SLC25A23: variants seen among roughly 807,000 people sequenced by gnomAD.
SLC25A23 encodes the protein mitochondrial adenyl nucleotide antiporter SLC25A23.
Under a neutral mutation model 53.9 loss-of-function variants are expected in SLC25A23, and 32 were observed. That is an observed-to-expected ratio of 0.59 (90% CI 0.45 to 0.80). The LOEUF (loss-of-function observed/expected upper bound fraction) is 0.80, where lower values mean the gene tolerates loss of function less well. Among genes scored for constraint, SLC25A23 ranks in the 30% least tolerant of loss-of-function variants. The probability of loss-of-function intolerance (pLI) is 0.00; values close to 1 mark genes in which losing one functional copy is unlikely to be tolerated. For missense variants in SLC25A23, 575 were observed against 651.4 expected (o/e 0.88, Z 1.28); for synonymous variants, 275 against 264.5 (o/e 1.04, Z -0.38).
downstream of SLC25A23, among the ~76,000 whole-genome samples, chr19:6,439,397 T>TCA (rs1030315290): frequency 8.9e-3 from 923 of 104,188 alleles, 12 homozygotes; most frequent in Admixed American, 0.044. Context: ...TCTCTCTCTC[T>TCA]CTCACACACA....
chr19:6,458,094 C>G, intron 2 of SLC25A23, 104 bp downstream of exon 2: 1 of 1,410,116 alleles, frequency 7.1e-7, no homozygotes, highest in South Asian at 1.4e-5. Flanking sequence ...GAGAAGCGGC[C>G]CTCCCCCTCT....
rs1175828391 is a variant in SLC25A23 at position 6,444,275 on chromosome 19, C to T, written c.1098G>A (p.Gln366=). 3 of 1,596,854 alleles carry T rather than the reference C, an allele frequency of 1.9e-6. No homozygotes were observed. Among genetic ancestry groups the T allele is most frequent in the Admixed American group, 1.7e-5 (1 of 58,708 alleles). The change falls in exon 9 of 10, where the codon CAG becomes CAA. Residue 366 remains glutamine, a synonymous_variant. Coordinates refer to ENST00000301454, the MANE Select transcript of SLC25A23 (RefSeq NM_024103.3). ...CTGGGTCTGCCGAGTCGTGGCTGTA[C>T]TGCTGAAGCCACCAGTTCTTCAGAG... ...YETLKNWWLQ[Q]YSHDSADPGI...
At chr19:6,436,600 A>C (rs2092322217), downstream of SLC25A23, 1 of 386,232 alleles carries the variant, frequency 2.6e-6, no homozygotes, top group African/African-American at 2.2e-5. Context: ...CCCAGGCTGG[A>C]GTGCAGTGGC....
In SLC25A23 at chr19:6,454,752, G is replaced by A. The variant is rs2092652665; in HGVS notation, c.484-35C>T. 5 of 1,609,638 alleles carry A rather than the reference G, an allele frequency of 3.1e-6. No homozygotes were observed. The highest frequency in any genetic ancestry group is 1.1e-5 in the South Asian group (1 of 90,398). On this transcript the variant is annotated intron_variant, in intron 4 of 9. Coordinates refer to ENST00000301454, the MANE Select transcript of SLC25A23 (RefSeq NM_024103.3). This position sits in a 1 kb window ranked among gnomAD's most constrained non-coding sequence, Gnocchi z 4.3. Reference sequence around the variant, plus strand: ...CAGGTGTTGGGGGTGTCATGCCATGGTGGGGACAGGGAGATGTGACTCAGT... The same window carrying A: ...CAGGTGTTGGGGGTGTCATGCCATGATGGGGACAGGGAGATGTGACTCAGT...
intron 8 of SLC25A23, 59 bp downstream of exon 8, chr19:6,452,253 G>A: frequency 4.5e-6 from 7 of 1,555,706 alleles, no homozygotes; most frequent in East Asian, 2.4e-5. Flanking sequence ...AGGGGAAGGG[G>A]TGTCCTGTGG....
At chr19:6,447,054 A>C in intron 8 of SLC25A23, among the ~76,000 whole-genome samples, 1 of 152,102 alleles carries the variant, frequency 6.6e-6, no homozygotes, top group East Asian at 1.9e-4. Context: ...TCCCCTAACA[A>C]GTTTGAGAGG....
At position 6,454,767 on chromosome 19, in the gene SLC25A23, TG is replaced by T; in HGVS notation, c.484-51del. The T allele has an allele frequency of 6.2e-7, 1 of 1,600,344 alleles. No homozygotes were observed. Among genetic ancestry groups the T allele is most frequent in the Non-Finnish European group, 8.5e-7 (1 of 1,172,162 alleles). On this transcript the variant is annotated intron_variant, in intron 4 of 9. Transcript: ENST00000301454. The surrounding 1 kb of genome is among the most constrained non-coding windows in gnomAD (Gnocchi z 4.3). ...TCATGCCATGGTGGGGACAGGGAGA[TG>T]TGACTCAGTCCTAAATAGGGGAGTC... is the stretch of plus-strand genomic sequence containing the variant.
intron 8 of SLC25A23, 128 bp from the exon 9 acceptor site, chr19:6,444,429 G>GA (rs1217578410): frequency 6.0e-6 from 6 of 999,408 alleles, no homozygotes; most frequent in Non-Finnish European, 8.5e-6. Flanking sequence ...CCTCCTAGGG[G>GA]CCGGGCCAGC....
At chr19:6,442,382 G>C (rs2092435732) in intron 9 of SLC25A23, among the ~76,000 whole-genome samples, 2 of 152,210 alleles carry the variant, frequency 1.3e-5, no homozygotes, top group Non-Finnish European at 1.5e-5. Context: ...AGCAGGTATG[G>C]GTGTGCAAGG....
intron 7 of SLC25A23, among the ~76,000 whole-genome samples, chr19:6,453,212 T>C (rs116647409): frequency 0.015 from 2,258 of 151,588 alleles, 52 homozygotes; most frequent in African/African-American, 0.052. Flanking sequence ...GAAATGCTCA[T>C]CTGTAGACTT....
intron 3 of SLC25A23, among the ~76,000 whole-genome samples, chr19:6,457,292 C>A (rs2092695462): frequency 6.6e-6 from 1 of 151,892 alleles, no homozygotes; most frequent in Non-Finnish European, 1.5e-5. Flanking sequence ...GTCCCCAACT[C>A]CTGACCTCAG....
chr19:6,458,347 A>T, intron 1 of SLC25A23, 23 bp from the exon 2 acceptor site: 1 of 1,608,082 alleles, frequency 6.2e-7, no homozygotes, highest in South Asian at 1.1e-5. Flanking sequence ...AAGGGGATAG[A>T]GGTGGCTCCA....
chr19:6,436,779 C>T (rs2092327113), downstream of SLC25A23, among the ~76,000 whole-genome samples: 1 of 151,844 alleles, frequency 6.6e-6, no homozygotes, highest in African/African-American at 2.4e-5. Flanking sequence ...AACTCCTGAC[C>T]TCAGGTGATT....
intron 8 of SLC25A23, among the ~76,000 whole-genome samples, chr19:6,445,861 C>T (rs544960956): frequency 4.6e-5 from 7 of 151,780 alleles, no homozygotes; most frequent in East Asian, 1.9e-4. Flanking sequence ...AGACCAGCCT[C>T]GGAAACATAG....
intron 8 of SLC25A23, among the ~76,000 whole-genome samples, chr19:6,449,377 T>C (rs548356489): frequency 6.7e-6 from 1 of 150,368 alleles, no homozygotes; most frequent in Non-Finnish European, 1.5e-5. Flanking sequence ...CTCAGCCTCC[T>C]GAGTAGCTGG....
In SLC25A23 at chr19:6,459,675, T is replaced by C; in HGVS notation, c.-47A>G. On this transcript the variant is annotated 5_prime_UTR_variant, in exon 1 of 10. Coordinates refer to ENST00000301454, the MANE Select transcript of SLC25A23 (RefSeq NM_024103.3). The surrounding 1 kb of genome is among the most constrained non-coding windows in gnomAD (Gnocchi z 4.6). Reference sequence around the variant, plus strand: ...GGAGGCCCGGCAGCGGCGGCCTCAGTGGGGGCTTCGCGGCTCCCCCTCCCC... The same window carrying C: ...GGAGGCCCGGCAGCGGCGGCCTCAGCGGGGGCTTCGCGGCTCCCCCTCCCC... The C allele has an allele frequency of 7.8e-7, 1 of 1,279,580 alleles. No homozygotes were observed. Among genetic ancestry groups the C allele is most frequent in the Non-Finnish European group, 9.8e-7 (1 of 1,018,928 alleles). 79.3% of individuals were successfully genotyped at this position (1,279,580 alleles called of 1,614,324 possible). A position where few individuals can be genotyped will look rare whatever the true frequency, so the allele number is the denominator to read the frequency against.
Position 6,442,170 on chromosome 19 carries a change from G to T in SLC25A23, c.1223-11C>A. ...CACCCTCGATGGAGGCTGGGAGGGG[G>T]CGGGGGGGGCACCAGGTAAGGCCAA... On this transcript the variant is annotated splice_polypyrimidine_tract_variant and intron_variant, in intron 9 of 9. Coordinates refer to ENST00000301454, the MANE Select transcript of SLC25A23 (RefSeq NM_024103.3). 1 of 1,454,942 alleles carries T rather than the reference G, an allele frequency of 6.9e-7. No individual in the cohort carries two copies. Among genetic ancestry groups the T allele is most frequent in the Non-Finnish European group, 9.3e-7 (1 of 1,081,050 alleles). The allele number at this position is 1,454,942 out of a possible 1,614,324, so 90.1% of individuals were successfully genotyped here. A position where few individuals can be genotyped will look rare whatever the true frequency, so the allele number is the denominator to read the frequency against.
chr19:6,452,659 A>C, intron 7 of SLC25A23, 180 bp from the exon 8 acceptor site: 1 of 655,528 alleles, frequency 1.5e-6, no homozygotes, highest in Non-Finnish European at 2.4e-6. Flanking sequence ...AAATAGTTAC[A>C]CCTACCAAAG....
intron 4 of SLC25A23, 63 bp downstream of exon 4, chr19:6,456,357 G>A (rs1311916629): frequency 6.5e-7 from 1 of 1,528,928 alleles, no homozygotes; most frequent in East Asian, 2.2e-5. Context: ...GGGGAGATCG[G>A]AGCAAGGCCC....
Sources: allele counts gnomAD v4.1 joint callset (sites outside exome capture counted in the v4.1 genomes callset), GRCh38; gene constraint gnomAD v4.1.1; non-coding constraint Gnocchi (gnomAD v3.1); transcripts MANE v1.5; gene names NCBI Gene and HGNC (gene_info 2026-07-23, HGNC 2026-07-21).